ANXA4: variants seen among roughly 807,000 people sequenced by gnomAD.
ANXA4 encodes 35-beta calcimedin.
ANXA4 carries 39 observed loss-of-function variants against 49.8 expected under a neutral mutation model. That is an observed-to-expected ratio of 0.78 (90% CI 0.61 to 1.02). ANXA4 has a LOEUF of 1.02. ANXA4 is among the 50% of genes least tolerant of loss of function. ANXA4 has a pLI of 0.00. For synonymous variants in ANXA4, 134 were observed against 152.5 expected, an observed-to-expected ratio of 0.88 and a Z score of 0.89; for missense variants, 360 against 410.1, an observed-to-expected ratio of 0.88 and a Z score of 1.05.
chr2:69,756,931 A>AT lies in ANXA4; in HGVS notation c.-47+14758dup, dbSNP rs1240570888. On this transcript the variant is annotated intron_variant, in intron 1 of 12. Coordinates refer to ENST00000394295, the MANE Select transcript of ANXA4 (RefSeq NM_001153.5). ...TACTTATTAAATTAATTAATTAATTATTATTTTTTTTTTTTAGACAGAGTC... is the reference window on the plus strand; with the variant it reads ...TACTTATTAAATTAATTAATTAATTATTTATTTTTTTTTTTTAGACAGAGTC... Among the ~76,000 whole-genome samples the AT allele has an allele frequency of 4.6e-5, 5 of 109,438 alleles. No homozygotes were observed. In the East Asian group the frequency reaches 1.1e-3, roughly 25 times the overall value. 71.8% of individuals were successfully genotyped at this position (109,438 alleles called of 152,430 possible).
At chr2:69,795,135 G>A (rs1198954587) in intron 3 of ANXA4, among the ~76,000 whole-genome samples, 1 of 152,114 alleles carries the variant, frequency 6.6e-6, no homozygotes, top group Non-Finnish European at 1.5e-5. Context: ...CTTGATTGGG[G>A]CATAGAGGAA....
At chr2:69,761,349 C>T (rs1273184353) in intron 1 of ANXA4, among the ~76,000 whole-genome samples, 1 of 152,130 alleles carries the variant, frequency 6.6e-6, no homozygotes, top group African/African-American at 2.4e-5. Context: ...TTTACATGCT[C>T]AAATTATTTC....
At position 69,792,035 on chromosome 2, in the gene ANXA4, A is replaced by G. The variant is rs544960053; in HGVS notation, c.97+3894A>G. Among the ~76,000 whole-genome samples the G allele has an allele frequency of 2.3e-4, 35 of 152,318 alleles. No individual in the cohort carries two copies. In the South Asian group the frequency reaches 7.0e-3, roughly 31 times the overall value. On this transcript the variant is annotated intron_variant, in intron 3 of 12. Coordinates refer to ENST00000394295, the MANE Select transcript of ANXA4 (RefSeq NM_001153.5). ...TATTAGACATCATTTTGGCAATTTT[A>G]TGTACCTCAACATGTTAAATAATAC...
At chr2:69,787,196 T>G (rs1315569239) in intron 2 of ANXA4, among the ~76,000 whole-genome samples, 3 of 152,220 alleles carry the variant, frequency 2.0e-5, no homozygotes, top group Non-Finnish European at 4.4e-5. Context: ...AACCAAGTCG[T>G]TAGTGTCATC....
At chr2:69,747,394 C>T (rs932885762) in intron 1 of ANXA4, among the ~76,000 whole-genome samples, 1 of 152,146 alleles carries the variant, frequency 6.6e-6, no homozygotes, top group Non-Finnish European at 1.5e-5. Flanking sequence ...TCTTACTCCT[C>T]TACAGGGGAC....
At chr2:69,823,490 C>G (rs996180335) in intron 12 of ANXA4, among the ~76,000 whole-genome samples, 3 of 151,776 alleles carry the variant, frequency 2.0e-5, no homozygotes, top group African/African-American at 7.3e-5. Flanking sequence ...AACTAAAATA[C>G]AGTGACATGT....
chr2:69,791,185 C>T (rs1672677060), intron 3 of ANXA4, among the ~76,000 whole-genome samples: 1 of 152,154 alleles, frequency 6.6e-6, no homozygotes, highest in Non-Finnish European at 1.5e-5. Flanking sequence ...GTTCCTAGGC[C>T]TGTTAGAAAG....
At chr2:69,736,562 C>G (rs1670249554) in intron 3 of ANXA4, among the ~76,000 whole-genome samples, 1 of 152,198 alleles carries the variant, frequency 6.6e-6, no homozygotes, top group African/African-American at 2.4e-5. Context: ...CCCCATCATT[C>G]AATTCTCAGT....
chr2:69,664,319 C>T (rs1416899599), intron 2 of ANXA4, among the ~76,000 whole-genome samples: 1 of 152,032 alleles, frequency 6.6e-6, no homozygotes, highest in Non-Finnish European at 1.5e-5. Flanking sequence ...AAAATAAGGA[C>T]ATAAATCAAG....
intron 2 of ANXA4, among the ~76,000 whole-genome samples, chr2:69,693,504 G>A (rs1678044776): frequency 6.6e-6 from 1 of 152,082 alleles, no homozygotes; most frequent in Non-Finnish European, 1.5e-5. Flanking sequence ...AAGAGATAAG[G>A]TGTTTCACAA....
chr2:69,650,506 T>A lies in ANXA4; in HGVS notation n.482-2492T>A, dbSNP rs138632927. On this transcript the variant is annotated intron_variant and non_coding_transcript_variant, in intron 1 of 3. Transcript: ENST00000418066. ...TTTTTTTTTCTTTGAGACAGGGTCT[T>A]GCTCTGTCACCCAGGCTGGAGTGCA... Among the ~76,000 whole-genome samples the A allele has an allele frequency of 6.3e-3, 952 of 152,104 alleles. 20 individuals carry two copies. Among genetic ancestry groups the A allele is most frequent in the East Asian group, 0.011 (57 of 5,178 alleles).
chr2:69,748,357 C>T (rs982628746), intron 1 of ANXA4, among the ~76,000 whole-genome samples: 4 of 148,158 alleles, frequency 2.7e-5, no homozygotes, highest in Non-Finnish European at 4.4e-5. Flanking sequence ...CCAGCCTGGG[C>T]GACAGAGTGA....
intron 1 of ANXA4, among the ~76,000 whole-genome samples, chr2:69,747,248 A>G (rs1193088712): frequency 6.6e-6 from 1 of 152,148 alleles, no homozygotes. Context: ...TAAATCATTA[A>G]CAGAATCTAA....
chr2:69,650,153 C>A (rs986131338), intron 1 of ANXA4, among the ~76,000 whole-genome samples: 1 of 151,974 alleles, frequency 6.6e-6, no homozygotes, highest in Non-Finnish European at 1.5e-5. Context: ...CCAGGCTGGT[C>A]TTGAACTCCT....
rs1678190904 is a variant in ANXA4, at chr2:69,697,355, A to G, written n.767-23419A>G. On this transcript the variant is annotated intron_variant and non_coding_transcript_variant, in intron 2 of 3. Transcript: ENST00000418066. ...CGTCTCCCAGCCTTCGCAGGATTGA[A>G]AAGAGTTTAGTGCCTTGTTCTAGGC... Among the ~76,000 whole-genome samples, 4 of 152,190 alleles carry G rather than the reference A, an allele frequency of 2.6e-5. No individual in the cohort carries two copies. In the South Asian group the frequency reaches 8.3e-4, roughly 31 times the overall value.
At chr2:69,709,075 C>T (rs991850500) in intron 2 of ANXA4, among the ~76,000 whole-genome samples, 7 of 152,278 alleles carry the variant, frequency 4.6e-5, no homozygotes, top group Middle Eastern at 3.4e-3. Flanking sequence ...CACTGACCCT[C>T]GCAAAACATG....
At chr2:69,679,406 C>T (rs1397789151) in intron 2 of ANXA4, among the ~76,000 whole-genome samples, 1 of 152,152 alleles carries the variant, frequency 6.6e-6, no homozygotes, top group East Asian at 1.9e-4. Flanking sequence ...GATATAATTC[C>T]CTTGTGGGAT....
At chr2:69,766,592 T>C (rs1671502953) in intron 1 of ANXA4, among the ~76,000 whole-genome samples, 1 of 152,196 alleles carries the variant, frequency 6.6e-6, no homozygotes, top group South Asian at 2.1e-4. Context: ...TCCGTTTATC[T>C]GAATGGCCCA....
intron 1 of ANXA4, among the ~76,000 whole-genome samples, chr2:69,780,352 C>A (rs1672144563): frequency 1.3e-5 from 2 of 152,026 alleles, no homozygotes; most frequent in Non-Finnish European, 2.9e-5. Context: ...GTGCCACTAC[C>A]CCCCAGCTAA....
Sources: gnomAD v4.1 joint callset for allele counts (sites outside exome capture counted in the v4.1 genomes callset) on GRCh38, gnomAD v4.1.1 for gene constraint, MANE v1.5 for transcripts, NCBI Gene and HGNC (gene_info 2026-07-23, HGNC 2026-07-21) for gene names.